LRBA: variants seen among roughly 807,000 people sequenced by gnomAD.
LRBA encodes the protein LPS responsive beige-like anchor protein, also known as lipopolysaccharide-responsive and beige-like anchor protein.
A neutral mutation model predicts 330.0 loss-of-function variants in LRBA; 176 were observed. The observed-to-expected ratio is 0.53, with a 90% CI of 0.47 to 0.60. The LOEUF (loss-of-function observed/expected upper bound fraction) is 0.60. Among genes scored for constraint, LRBA ranks in the 20% least tolerant of loss-of-function variants. The pLI, the probability that LRBA is intolerant of heterozygous loss-of-function variation, is 0.00. For synonymous variants in LRBA, 1,230 were observed against 1,193.0 expected, an observed-to-expected ratio of 1.03 and a Z score of -0.64; for missense variants, 3,259 against 3,444.8, an observed-to-expected ratio of 0.95 and a Z score of 1.35.
rs536961933 is a variant in LRBA, at chr4:150,320,009, G to A, written c.7630+1182C>T. On this transcript the variant is annotated intron_variant, in intron 50 of 56. Transcript: ENST00000651943. The stretch of plus-strand genomic sequence containing the variant: ...TTTAAATTTGCCTACCTAAAACAAC[G>A]GCTTGGGAAAAAAGTCTATAATCTC... 3.4e-4 allele frequency among the ~76,000 whole-genome samples: 52 copies of A among 152,094 alleles called. No individual in the cohort carries two copies. The South Asian group carries it at 9.6e-3, about 28-fold the overall frequency.
At chr4:150,934,932 T>C (rs1049319514) in intron 2 of LRBA, among the ~76,000 whole-genome samples, 9 of 150,066 alleles carry the variant, frequency 6.0e-5, no homozygotes, top group African/African-American at 2.2e-4. Flanking sequence ...CGCTTGAACC[T>C]GGGAGGTGGA....
At chr4:150,820,170 T>C (rs1745214836) in intron 30 of LRBA, among the ~76,000 whole-genome samples, 1 of 152,044 alleles carries the variant, frequency 6.6e-6, no homozygotes, top group Admixed American at 6.6e-5. Context: ...ATTAATTCAA[T>C]TTTTAGAAAT....
chr4:150,484,823 G>A (rs562733779), intron 42 of LRBA, among the ~76,000 whole-genome samples: 1 of 151,698 alleles, frequency 6.6e-6, no homozygotes, highest in African/African-American at 2.4e-5. Flanking sequence ...TTATCTTCAT[G>A]TTAAACATTT....
At chr4:150,522,772 C>G (rs182775941) in intron 40 of LRBA, among the ~76,000 whole-genome samples, 2 of 152,324 alleles carry the variant, frequency 1.3e-5, no homozygotes, top group African/African-American at 4.8e-5. Flanking sequence ...TGCAGGCCCA[C>G]AGAGTGCAAT....
intron 43 of LRBA, 135 bp downstream of exon 43, chr4:150,471,489 T>C: frequency 1.7e-6 from 1 of 572,468 alleles, no homozygotes; most frequent in Non-Finnish European, 3.0e-6. Flanking sequence ...CTTATTCTCT[T>C]TGTATATCCT....
At chr4:150,266,196 A>G (rs1238684050) in intron 56 of LRBA, among the ~76,000 whole-genome samples, 1 of 152,214 alleles carries the variant, frequency 6.6e-6, no homozygotes, top group East Asian at 1.9e-4. Context: ...AGGAACCACA[A>G]TCTCAAAGTA....
chr4:150,664,879 C>A (rs1304821088), intron 37 of LRBA, among the ~76,000 whole-genome samples: 5 of 152,096 alleles, frequency 3.3e-5, no homozygotes, highest in African/African-American at 1.2e-4. Flanking sequence ...AAGTTGAGAA[C>A]TTTTTGAGAC....
chr4:150,532,729 A>C (rs996638243), intron 40 of LRBA, among the ~76,000 whole-genome samples: 3 of 152,110 alleles, frequency 2.0e-5, no homozygotes, highest in Non-Finnish European at 4.4e-5. Flanking sequence ...CATAAAATAG[A>C]CTCAATGATT....
chr4:150,440,117 G>A (rs1751630157), intron 44 of LRBA, among the ~76,000 whole-genome samples: 1 of 152,024 alleles, frequency 6.6e-6, no homozygotes, highest in Admixed American at 6.6e-5. Flanking sequence ...AGAGCTTACT[G>A]TACAATGTAA....
At chr4:150,556,232 T>C (rs1216535605) in intron 40 of LRBA, among the ~76,000 whole-genome samples, 1 of 152,222 alleles carries the variant, frequency 6.6e-6, no homozygotes, top group Non-Finnish European at 1.5e-5. Context: ...AGTTAACACT[T>C]ATTTTTATAC....
At chr4:150,721,116 G>T in intron 36 of LRBA, 1 of 594,150 alleles carries the variant, frequency 1.7e-6, no homozygotes, top group Non-Finnish European at 3.3e-6. Flanking sequence ...ACACACATGG[G>T]GAGATACTCT....
intron 2 of LRBA, among the ~76,000 whole-genome samples, chr4:150,963,913 G>A (rs910523982): frequency 1.2e-4 from 17 of 146,100 alleles, no homozygotes; most frequent in African/African-American, 2.4e-4. Flanking sequence ...GTGCCCCGCC[G>A]CCCCGTCTGG....
chr4:150,496,494 A>T (rs544415648), intron 40 of LRBA, among the ~76,000 whole-genome samples: 1 of 152,116 alleles, frequency 6.6e-6, no homozygotes, highest in African/African-American at 2.4e-5. Flanking sequence ...TATTTTTTTA[A>T]AAAAAACTAT....
intron 37 of LRBA, among the ~76,000 whole-genome samples, chr4:150,647,135 A>G (rs1319599107): frequency 1.3e-5 from 2 of 151,926 alleles, no homozygotes; most frequent in Non-Finnish European, 2.9e-5. Context: ...TCCATCACAT[A>G]TAATAAGGAC....
At chr4:150,507,198 G>A (rs1443784727) in intron 40 of LRBA, among the ~76,000 whole-genome samples, 2 of 151,486 alleles carry the variant, frequency 1.3e-5, no homozygotes, top group Non-Finnish European at 3.0e-5. Flanking sequence ...AGCTACCAAT[G>A]ACTTTCTTCA....
chr4:150,324,274 G>T (rs780935525), intron 49 of LRBA, among the ~76,000 whole-genome samples: 8 of 152,126 alleles, frequency 5.3e-5, no homozygotes, highest in African/African-American at 1.7e-4. Flanking sequence ...AGTCTCAATG[G>T]CAAGCTATTA....
chr4:150,273,468 A>G (rs1746389937), intron 56 of LRBA, among the ~76,000 whole-genome samples: 1 of 152,198 alleles, frequency 6.6e-6, no homozygotes, highest in South Asian at 2.1e-4. Context: ...AACAATATTA[A>G]CTTTAAATGT....
intron 34 of LRBA, among the ~76,000 whole-genome samples, chr4:150,764,515 T>C (rs1735499892): frequency 6.6e-6 from 1 of 151,942 alleles, no homozygotes; most frequent in African/African-American, 2.4e-5. Flanking sequence ...AGTCACACAC[T>C]GGGATAAAAT....
intron 36 of LRBA, among the ~76,000 whole-genome samples, chr4:150,692,685 C>A (rs976287516): frequency 6.6e-6 from 1 of 152,072 alleles, no homozygotes; most frequent in Non-Finnish European, 1.5e-5. Flanking sequence ...ACATGTACTT[C>A]ACAAAAGTAA....
Sources: gnomAD v4.1 joint callset for allele counts (sites outside exome capture counted in the v4.1 genomes callset) on GRCh38, gnomAD v4.1.1 for gene constraint, MANE v1.5 for transcripts, NCBI Gene and HGNC (gene_info 2026-07-23, HGNC 2026-07-21) for gene names.